Variants in LARGE1 observed in about 807,000 individuals in gnomAD.
The protein encoded by LARGE1 is xylosyl- and glucuronyltransferase LARGE1.
A neutral mutation model predicts 87.6 loss-of-function variants in LARGE1; 43 were observed. That is an observed-to-expected ratio of 0.49 (90% CI 0.38 to 0.63). The LOEUF (loss-of-function observed/expected upper bound fraction) is 0.63, where lower values mean the gene tolerates loss of function less well. Ranked by LOEUF, LARGE1 falls within the 30% of genes least tolerant of loss-of-function variation. The pLI, the probability that LARGE1 is intolerant of heterozygous loss-of-function variation, is 0.00. For synonymous variants in LARGE1, 434 were observed against 394.6 expected (o/e 1.10, Z -1.18); for missense variants, 802 against 1,000.2 (o/e 0.80, Z 2.67).
intron 1 of LARGE1, among the ~76,000 whole-genome samples, chr22:33,902,704 T>A (rs1047197887): frequency 6.6e-6 from 1 of 152,206 alleles, no homozygotes; most frequent in Non-Finnish European, 1.5e-5. Flanking sequence ...TTTTTCAAAA[T>A]ACAACCCATT....
At chr22:33,821,831 G>A (rs746757215) in intron 1 of LARGE1, among the ~76,000 whole-genome samples, 46 of 152,144 alleles carry the variant, frequency 3.0e-4, no homozygotes, top group Admixed American at 8.5e-4. Flanking sequence ...AAAAAAATAG[G>A]AACAGAGGAA....
At chr22:33,106,538 C>G in the LARGE1 span, among the ~76,000 whole-genome samples, 1 of 152,120 alleles carries the variant, frequency 6.6e-6, no homozygotes, top group East Asian at 1.9e-4. Flanking sequence ...CTCTGTCGCC[C>G]AGGCTGGAGT....
At chr22:33,318,540 T>C (rs1313568365) in intron 10 of LARGE1, among the ~76,000 whole-genome samples, 1 of 152,060 alleles carries the variant, frequency 6.6e-6, no homozygotes, top group Non-Finnish European at 1.5e-5. Flanking sequence ...TTCCAAGTCT[T>C]TGCTATTGTA....
intron 1 of LARGE1, among the ~76,000 whole-genome samples, chr22:33,905,448 C>G (rs1223089376): frequency 6.6e-6 from 1 of 152,138 alleles, no homozygotes; most frequent in Non-Finnish European, 1.5e-5. Flanking sequence ...CTCAACTACA[C>G]AATTTCTAAG....
At chr22:33,589,148 A>AC (rs2078763074) in intron 5 of LARGE1, among the ~76,000 whole-genome samples, 2 of 152,326 alleles carry the variant, frequency 1.3e-5, no homozygotes, top group East Asian at 3.9e-4. Flanking sequence ...GCTAGGGCCC[A>AC]CGGCTAGGCT....
rs368632863 is a variant in LARGE1, at chr22:33,277,168, G to A, written c.1965C>T (p.Ala655=). 4 of 1,614,164 alleles carry A rather than the reference G, an allele frequency of 2.5e-6. No individual in the cohort carries two copies. Among genetic ancestry groups the A allele is most frequent in the Admixed American group, 3.3e-5 (2 of 60,026 alleles). The change falls in exon 14 of 15, where the codon GCC becomes GCT. Residue 655 remains alanine, a synonymous_variant. Coordinates refer to ENST00000397394, the MANE Select transcript of LARGE1 (RefSeq NM_133642.5). ...ATTPYRVEWE[A]DFEPYVVVRR... ...TCACAACAACATACGGCTCAAAATC[G>A]GCCTCCCACTCAACCCGGTAAGGCG... is the stretch of plus-strand genomic sequence containing the variant.
chr22:33,321,056 C>T (rs1055556291), intron 10 of LARGE1: 1 of 152,202 alleles, frequency 6.6e-6, no homozygotes, highest in African/African-American at 2.4e-5. Context: ...GGGTGAGTGA[C>T]CTAACCTTTC....
intron 2 of LARGE1, among the ~76,000 whole-genome samples, chr22:33,698,730 G>T (rs571569120): frequency 1.8e-4 from 28 of 152,272 alleles, no homozygotes; most frequent in African/African-American, 5.8e-4. Context: ...CTTCCTTGCT[G>T]ATCTTCCAAC....
chr22:33,504,095 G>A (rs1281638434), intron 6 of LARGE1, among the ~76,000 whole-genome samples: 1 of 152,204 alleles, frequency 6.6e-6, no homozygotes, highest in African/African-American at 2.4e-5. Flanking sequence ...ACAGAGAGTA[G>A]ATTAGTAGCT....
At chr22:33,250,834 C>T (rs1055773580) in intron 11 of LARGE1, among the ~76,000 whole-genome samples, 11 of 152,280 alleles carry the variant, frequency 7.2e-5, no homozygotes, top group African/African-American at 1.7e-4. Flanking sequence ...CAGCCTTGCA[C>T]GGCTGGGATA....
intron 6 of LARGE1, among the ~76,000 whole-genome samples, chr22:33,472,075 G>C (rs1468338666): frequency 6.6e-6 from 1 of 152,106 alleles, no homozygotes; most frequent in African/African-American, 2.4e-5. Flanking sequence ...AGCCTCAGTG[G>C]AGAGCCAGGG....
chr22:33,821,378 C>G (rs1015195843), intron 1 of LARGE1, among the ~76,000 whole-genome samples: 1 of 152,150 alleles, frequency 6.6e-6, no homozygotes, highest in African/African-American at 2.4e-5. Flanking sequence ...ACACAGCAAG[C>G]AAACACTAGT....
chr22:33,351,345 T>C (rs551006008), intron 9 of LARGE1, among the ~76,000 whole-genome samples: 3 of 152,378 alleles, frequency 2.0e-5, no homozygotes, highest in Admixed American at 6.5e-5. Context: ...TATGGTGGCA[T>C]GGCGCTCTCA....
intron 1 of LARGE1, among the ~76,000 whole-genome samples, chr22:33,868,064 C>T (rs1045173452): frequency 6.6e-6 from 1 of 152,208 alleles, no homozygotes; most frequent in African/African-American, 2.4e-5. Flanking sequence ...CGGTACATTT[C>T]ATCCTGCTGA....
rs2079199084 is a variant in LARGE1, at chr22:33,604,532, A to G, written c.518T>C (p.Ile173Thr). Residue 173 changes from isoleucine to threonine, a missense_variant, in exon 5 of 15, where the codon ATT becomes ACT. By Grantham distance (89) the Ile-to-Thr change is moderately conservative. Coordinates refer to ENST00000397394, the MANE Select transcript of LARGE1 (RefSeq NM_133642.5). ...GATCTGCTCCGCAATGGAGTCAGCA[A>G]TAAGGTGGAAGTGCAGAGGGTTCCG... ...HRRNPLHFHL[I>T]ADSIAEQILA... The G allele has an allele frequency of 6.2e-7, 1 of 1,614,022 alleles. No homozygotes were observed. Among genetic ancestry groups the G allele is most frequent in the Non-Finnish European group, 8.5e-7 (1 of 1,179,962 alleles).
At chr22:33,461,925 A>G (rs559682018) in intron 6 of LARGE1, among the ~76,000 whole-genome samples, 84 of 152,140 alleles carry the variant, frequency 5.5e-4, no homozygotes, top group Non-Finnish European at 6.3e-4. Flanking sequence ...TTATCCCTCC[A>G]TGTTGATGTG....
At position 33,234,487 on chromosome 22, in the gene LARGE1, T is replaced by C. The variant is rs117976065; in HGVS notation, c.1731-67655A>G. 1.7e-3 allele frequency among the ~76,000 whole-genome samples: 265 copies of C among 152,338 alleles called. 3 individuals carry two copies. In the East Asian group the frequency reaches 0.036, roughly 20 times the overall value. ...ATCCTAACTGTTTTGAGATTATGTT[T>C]CTGACACAGTGGATTTATAATAAAA... On this transcript the variant is annotated intron_variant, in intron 11 of 11. Coordinates refer to the LARGE1 transcript ENST00000608642.
chr22:33,915,036 C>G (rs1343284629), intron 1 of LARGE1, among the ~76,000 whole-genome samples: 42 of 116,870 alleles, frequency 3.6e-4, no homozygotes, highest in African/African-American at 1.4e-3. Context: ...CACACACACA[C>G]ACACACAGAG....
At chr22:33,902,650 G>A (rs1017442506) in intron 1 of LARGE1, among the ~76,000 whole-genome samples, 1 of 152,142 alleles carries the variant, frequency 6.6e-6, no homozygotes, top group Non-Finnish European at 1.5e-5. Flanking sequence ...CACTGCCTAG[G>A]TGAATCTGTT....
Sources: gnomAD v4.1 joint callset for allele counts (sites outside exome capture counted in the v4.1 genomes callset) on GRCh38, gnomAD v4.1.1 for gene constraint, MANE v1.5 for transcripts, NCBI Gene and HGNC (gene_info 2026-07-23, HGNC 2026-07-21) for gene names.